Variants in SPATA16 observed in about 807,000 individuals in gnomAD.
SPATA16 encodes spermatogenesis associated 16.
SPATA16 carries 36 observed loss-of-function variants against 63.3 expected under a neutral mutation model. The ratio of observed to expected loss-of-function variants is 0.57; its 90% CI spans 0.44 to 0.75. The LOEUF (loss-of-function observed/expected upper bound fraction) is 0.75, where lower values mean the gene tolerates loss of function less well. SPATA16 is among the 30% of genes least tolerant of loss of function. SPATA16 has a pLI of 0.00. For missense variants in SPATA16, 646 were observed against 679.3 expected (o/e 0.95, Z 0.54); for synonymous variants, 203 against 216.7 (o/e 0.94, Z 0.56).
intron 10 of SPATA16, among the ~76,000 whole-genome samples, chr3:172,911,846 C>T (rs1577086190): frequency 6.6e-6 from 1 of 152,314 alleles, no homozygotes; most frequent in East Asian, 1.9e-4. Flanking sequence ...TCTGTGCCCA[C>T]AACCCTAAAC....
intron 1 of SPATA16, among the ~76,000 whole-genome samples, 175 bp downstream of exon 1, chr3:173,140,928 C>T (rs1309793496): frequency 2.0e-5 from 3 of 152,138 alleles, no homozygotes; most frequent in African/African-American, 7.2e-5. Flanking sequence ...TTCTTGGTTA[C>T]TTATTAGGGC....
intron 2 of SPATA16, among the ~76,000 whole-genome samples, chr3:173,077,727 A>C (rs1736839849): frequency 6.6e-6 from 1 of 152,190 alleles, no homozygotes; most frequent in African/African-American, 2.4e-5. Context: ...GAGTCTCCTA[A>C]AGGCTCTGTG....
intron 4 of SPATA16, among the ~76,000 whole-genome samples, chr3:172,993,468 A>G (rs1034036550): frequency 6.6e-6 from 1 of 152,068 alleles, no homozygotes; most frequent in Non-Finnish European, 1.5e-5. Context: ...TTGAGGGCCA[A>G]GGAAGAGTTT....
chr3:173,061,247 G>A (rs186128904), intron 2 of SPATA16, among the ~76,000 whole-genome samples: 1 of 152,230 alleles, frequency 6.6e-6, no homozygotes, highest in East Asian at 1.9e-4. Context: ...TACTAACTAG[G>A]GGATAAAATA....
intron 10 of SPATA16, among the ~76,000 whole-genome samples, chr3:172,898,923 A>G (rs756488987): frequency 9.9e-5 from 15 of 151,666 alleles, no homozygotes; most frequent in Non-Finnish European, 2.1e-4. Context: ...TTTTTAGTTC[A>G]ATATATTCTT....
chr3:172,993,784 T>C (rs181778200), intron 4 of SPATA16, among the ~76,000 whole-genome samples: 1 of 152,294 alleles, frequency 6.6e-6, no homozygotes, highest in East Asian at 1.9e-4. Context: ...CCGCTTAAGA[T>C]GCTAACCTCT....
At chr3:172,968,155 C>T (rs1464388267) in intron 5 of SPATA16, among the ~76,000 whole-genome samples, 1 of 152,202 alleles carries the variant, frequency 6.6e-6, no homozygotes, top group Non-Finnish European at 1.5e-5. Flanking sequence ...TTCTAACAAG[C>T]CTTAATTATC....
At chr3:173,106,986 G>T (rs1015040662) in intron 2 of SPATA16, among the ~76,000 whole-genome samples, 1 of 152,138 alleles carries the variant, frequency 6.6e-6, no homozygotes, top group Non-Finnish European at 1.5e-5. Context: ...CACACAGTTT[G>T]TGTTCATATT....
Position 172,916,456 on chromosome 3 carries a change from A to G in SPATA16, c.1364T>C (p.Val455Ala), listed in dbSNP as rs767012740. ...LNGSFPASSGVMEKLQYASLL... is the reference protein window; with the variant it reads ...LNGSFPASSGAMEKLQYASLL... ...GCTGGCATATTGCAACTTCTCCATC[A>G]CACCTGAGGATGCAGGAAAACTCCC... is the stretch of plus-strand genomic sequence containing the variant. The change falls in exon 9 of 11, where the codon GTG becomes GCG. Residue 455 changes from valine (V) to alanine (A), a missense_variant. By Grantham distance (64) the Val-to-Ala change is moderately conservative. Coordinates refer to ENST00000351008, the MANE Select transcript of SPATA16 (RefSeq NM_031955.6). 1.9e-6 allele frequency: 3 copies of G among 1,613,718 alleles called. No homozygotes were observed. In the South Asian group the frequency reaches 3.3e-5, roughly 18 times the overall value.
At chr3:172,926,889 CT>C (rs1427498957) in intron 6 of SPATA16, among the ~76,000 whole-genome samples, 15 of 152,266 alleles carry the variant, frequency 9.9e-5, no homozygotes, top group African/African-American at 3.4e-4. Context: ...GGTAAGCCCT[CT>C]TCGTTTAACA....
At chr3:172,956,376 G>T (rs748838961) in intron 6 of SPATA16, among the ~76,000 whole-genome samples, 1 of 152,022 alleles carries the variant, frequency 6.6e-6, no homozygotes, top group Admixed American at 6.6e-5. Flanking sequence ...TACTGGTAAA[G>T]GATAAGGGGA....
chr3:172,951,638 G>A (rs1349900989), intron 6 of SPATA16, among the ~76,000 whole-genome samples: 1 of 152,138 alleles, frequency 6.6e-6, no homozygotes, highest in Non-Finnish European at 1.5e-5. Flanking sequence ...ATACTGCCTG[G>A]AGGACCTCCA....
intron 4 of SPATA16, among the ~76,000 whole-genome samples, chr3:172,987,772 A>T (rs1410360850): frequency 6.6e-6 from 1 of 152,212 alleles, no homozygotes; most frequent in Non-Finnish European, 1.5e-5. Flanking sequence ...TACTTAGAGC[A>T]GAAAATAAAC....
chr3:172,975,301 A>G (rs1040261104), intron 5 of SPATA16, among the ~76,000 whole-genome samples: 15 of 152,286 alleles, frequency 9.8e-5, no homozygotes, highest in Middle Eastern at 3.4e-3. Flanking sequence ...GGTTATGCTG[A>G]CATTGGATCT....
intron 2 of SPATA16, among the ~76,000 whole-genome samples, chr3:173,094,327 A>C (rs1423547533): frequency 6.6e-6 from 1 of 152,170 alleles, no homozygotes; most frequent in Non-Finnish European, 1.5e-5. Context: ...AAATATTTAA[A>C]GCCAAATTCC....
intron 8 of SPATA16, among the ~76,000 whole-genome samples, chr3:172,923,672 G>A (rs1732664276): frequency 6.6e-6 from 1 of 152,126 alleles, no homozygotes; most frequent in East Asian, 1.9e-4. Context: ...CTTTAAGACT[G>A]AAAAGTAGAA....
chr3:172,922,542 T>G (rs553096743), intron 8 of SPATA16, among the ~76,000 whole-genome samples: 1 of 152,338 alleles, frequency 6.6e-6, no homozygotes, highest in African/African-American at 2.4e-5. Context: ...GCCCAACCTA[T>G]GTTCACATTG....
At chr3:173,041,672 TTTTG>T (rs1735843441) in intron 3 of SPATA16, among the ~76,000 whole-genome samples, 1 of 152,154 alleles carries the variant, frequency 6.6e-6, no homozygotes, top group Admixed American at 6.6e-5. Context: ...AGTATTGTAG[TTTTG>T]TTTAAGTTCA....
chr3:172,988,534 G>A (rs1734505180), intron 4 of SPATA16, among the ~76,000 whole-genome samples: 1 of 152,156 alleles, frequency 6.6e-6, no homozygotes, highest in Admixed American at 6.5e-5. Flanking sequence ...TCCAAGAGAT[G>A]GGGAGAGGCT....
Sources: gnomAD v4.1 joint callset for allele counts (sites outside exome capture counted in the v4.1 genomes callset) on GRCh38, gnomAD v4.1.1 for gene constraint, MANE v1.5 for transcripts, NCBI Gene and HGNC (gene_info 2026-07-23, HGNC 2026-07-21) for gene names.